Variants in SEMA6A observed in about 807,000 individuals in gnomAD.
SEMA6A encodes the protein semaphorin 6A.
SEMA6A carries 25 observed loss-of-function variants against 96.8 expected under a neutral mutation model. That is an observed-to-expected ratio of 0.26 (90% confidence interval 0.19 to 0.36). SEMA6A has a LOEUF of 0.36. Among genes scored for constraint, SEMA6A ranks in the 10% least tolerant of loss-of-function variants. SEMA6A has a pLI of 1.00. For missense variants in SEMA6A, 1,363 were observed against 1,323.1 expected (o/e 1.03, Z -0.47); for synonymous variants, 612 against 518.0 (o/e 1.18, Z -2.46).
intron 1 of SEMA6A, among the ~76,000 whole-genome samples, chr5:116,510,609 A>T (rs1758360440): frequency 1.3e-5 from 2 of 152,090 alleles, no homozygotes; most frequent in African/African-American, 4.8e-5. Context: ...ACTTTTTAAT[A>T]GCTTTTCTTG....
At chr5:116,491,054 C>G (rs1345796470) in intron 7 of SEMA6A, among the ~76,000 whole-genome samples, 1 of 152,174 alleles carries the variant, frequency 6.6e-6, no homozygotes, top group Non-Finnish European at 1.5e-5. Flanking sequence ...AGCACCCTCC[C>G]CTCACCCACC....
intron 1 of SEMA6A, among the ~76,000 whole-genome samples, chr5:116,513,363 G>A (rs1213878913): frequency 6.6e-6 from 1 of 152,120 alleles, no homozygotes; most frequent in East Asian, 1.9e-4. Context: ...CCAACCTCAG[G>A]TGATCTGCCC....
At chr5:116,474,707 T>C (rs1461504065) in intron 16 of SEMA6A, among the ~76,000 whole-genome samples, 1 of 152,224 alleles carries the variant, frequency 6.6e-6, no homozygotes, top group Non-Finnish European at 1.5e-5. Context: ...TAGAATCAAA[T>C]ATCAGGATAA....
At chr5:116,522,496 T>C (rs1253804532) in intron 1 of SEMA6A, among the ~76,000 whole-genome samples, 4 of 152,172 alleles carry the variant, frequency 2.6e-5, no homozygotes, top group Non-Finnish European at 5.9e-5. Flanking sequence ...AGTCGATCTG[T>C]GATGCAGATG....
intron 1 of SEMA6A, among the ~76,000 whole-genome samples, chr5:116,554,107 A>T (rs551926385): frequency 6.6e-6 from 1 of 152,328 alleles, no homozygotes; most frequent in African/African-American, 2.4e-5. Context: ...ATAAACAGTA[A>T]CATCAGTAAA....
chr5:116,496,405 A>T (rs1757606410), intron 4 of SEMA6A, 92 bp from the exon 5 acceptor site: 1 of 1,019,710 alleles, frequency 9.8e-7, no homozygotes, highest in African/African-American at 1.6e-5. Context: ...CTAAAGGCTG[A>T]ACATATATTT....
intron 18 of SEMA6A, among the ~76,000 whole-genome samples, chr5:116,451,430 G>C (rs1754627097): frequency 6.6e-6 from 1 of 152,178 alleles, no homozygotes; most frequent in Non-Finnish European, 1.5e-5. Context: ...AAGGTGATAT[G>C]AGATTTCGAA....
rs1457823776 is a variant in SEMA6A, at chr5:116,495,584, A to G, written c.343-70T>C. 7.8e-6 allele frequency: 9 copies of G among 1,160,150 alleles called. No homozygotes were observed. In the East Asian group the frequency reaches 1.5e-4, roughly 20 times the overall value. 71.9% of individuals were successfully genotyped at this position (1,160,150 alleles called of 1,614,324 possible). ...AGAAACTGATTCTTCACTGTATGCCATGGTTGGCTGACAGTAAGGTTAAAG... is the reference window on the plus strand; with the variant it reads ...AGAAACTGATTCTTCACTGTATGCCGTGGTTGGCTGACAGTAAGGTTAAAG... On this transcript the variant is annotated intron_variant, in intron 5 of 18. Coordinates refer to ENST00000343348, the MANE Select transcript of SEMA6A (RefSeq NM_020796.5).
intron 7 of SEMA6A, among the ~76,000 whole-genome samples, chr5:116,489,693 C>T (rs189990255): frequency 1.2e-3 from 184 of 152,316 alleles, no homozygotes; most frequent in Non-Finnish European, 1.8e-3. Flanking sequence ...GAAGGGGTTA[C>T]GCTGAGTTCA....
At chr5:116,500,237 A>G (rs1474740616) in intron 3 of SEMA6A, among the ~76,000 whole-genome samples, 1 of 152,204 alleles carries the variant, frequency 6.6e-6, no homozygotes, top group Non-Finnish European at 1.5e-5. Context: ...GACAAACAGT[A>G]CCAGCTCTAT....
At position 116,519,349 on chromosome 5, in the gene SEMA6A, T is replaced by C. The variant is rs897856786; in HGVS notation, c.-38-14367A>G. 3.9e-5 allele frequency among the ~76,000 whole-genome samples: 6 copies of C among 152,222 alleles called. No individual in the cohort carries two copies. The South Asian group carries it at 8.3e-4, about 21-fold the overall frequency. On this transcript the variant is annotated intron_variant, in intron 1 of 18. Transcript: ENST00000343348. ...TTTTGTACACCACAGGGTACTTTTT[T>C]AGTGTTTTGGGAGGTACAAGCAAGA...
At chr5:116,545,286 C>T (rs897728763) in intron 1 of SEMA6A, among the ~76,000 whole-genome samples, 1 of 152,128 alleles carries the variant, frequency 6.6e-6, no homozygotes, top group Non-Finnish European at 1.5e-5. Context: ...AATTGCTTCC[C>T]TCGGCCAGGC....
chr5:116,486,914 T>C lies in SEMA6A; in HGVS notation c.797A>G (p.Gln266Arg), dbSNP rs771691706. Residue 266 changes from glutamine to arginine, a missense_variant, in exon 10 of 19, where the codon CAA becomes CGA. Gln to Arg is a conservative substitution (Grantham distance 43, BLOSUM62 1). Coordinates refer to ENST00000343348, the MANE Select transcript of SEMA6A (RefSeq NM_020796.5). ...CGTCCACTGTTTCTCCAGGACTCTTTGAGATCCTCCCATATCATTCTTACA... is the reference window on the plus strand; with the variant it reads ...CGTCCACTGTTTCTCCAGGACTCTTCGAGATCCTCCCATATCATTCTTACA... Reference protein sequence around the residue: ...QVCKNDMGGSQRVLEKQWTSF... With the variant: ...QVCKNDMGGSRRVLEKQWTSF... 4 of 1,613,818 alleles carry C rather than the reference T, an allele frequency of 2.5e-6. No homozygotes were observed. Among genetic ancestry groups the C allele is most frequent in the Non-Finnish European group, 3.4e-6 (4 of 1,179,760 alleles).
intron 18 of SEMA6A, among the ~76,000 whole-genome samples, chr5:116,458,169 C>T (rs1755137336): frequency 6.6e-6 from 1 of 152,182 alleles, no homozygotes; most frequent in Admixed American, 6.5e-5. Context: ...TATTTTCCCA[C>T]TTTTCCACAT....
At chr5:116,461,350 A>G (rs1456126542) in intron 18 of SEMA6A, among the ~76,000 whole-genome samples, 1 of 152,162 alleles carries the variant, frequency 6.6e-6, no homozygotes, top group Non-Finnish European at 1.5e-5. Context: ...CCAAGACAGG[A>G]GCCCTTTTTC....
chr5:116,496,131 G>A, intron 5 of SEMA6A, 120 bp downstream of exon 5: 1 of 827,792 alleles, frequency 1.2e-6, no homozygotes, highest in Non-Finnish European at 2.0e-6. Context: ...GATGAAAAAA[G>A]CAATTACTGA....
At position 116,509,375 on chromosome 5, in the gene SEMA6A, A is replaced by C. The variant is rs528231253; in HGVS notation, c.-38-4393T>G. ...AATTCTTTTAAAAAGCTCATTTTCT[A>C]ATATCATATGAAGTTTTAAAGATAA... On this transcript the variant is annotated intron_variant, in intron 1 of 18. Coordinates refer to ENST00000343348, the MANE Select transcript of SEMA6A (RefSeq NM_020796.5). Among the ~76,000 whole-genome samples the C allele has an allele frequency of 1.2e-4, 18 of 152,302 alleles. No homozygotes were observed. The South Asian group carries it at 3.3e-3, about 28-fold the overall frequency.
chr5:116,561,311 G>A (rs978233021), intron 1 of SEMA6A, among the ~76,000 whole-genome samples: 6 of 152,158 alleles, frequency 3.9e-5, no homozygotes, highest in Non-Finnish European at 8.8e-5. Flanking sequence ...TAATTCTAAT[G>A]TAGAACTCAG....
chr5:116,508,654 G>A (rs1181526960), intron 1 of SEMA6A, among the ~76,000 whole-genome samples: 1 of 152,144 alleles, frequency 6.6e-6, no homozygotes, highest in Non-Finnish European at 1.5e-5. Context: ...AAAAATAGGA[G>A]ATTTAACAAA....
Sources: allele counts gnomAD v4.1 joint callset (sites outside exome capture counted in the v4.1 genomes callset), GRCh38; gene constraint gnomAD v4.1.1; transcripts MANE v1.5; gene names NCBI Gene and HGNC (gene_info 2026-07-23, HGNC 2026-07-21).